MCF2L2: variants seen among roughly 807,000 people sequenced by gnomAD.
MCF2L2 encodes the protein MCF.2 cell line derived transforming sequence-like 2.
A neutral mutation model predicts 150.2 loss-of-function variants in MCF2L2; 102 were observed. The observed-to-expected ratio is 0.68, with a 90% CI of 0.58 to 0.80. MCF2L2 has a LOEUF of 0.80. Among genes scored for constraint, MCF2L2 ranks in the 30% least tolerant of loss-of-function variants. MCF2L2 has a pLI of 0.00. For missense variants in MCF2L2, 1,256 were observed against 1,372.8 expected, an observed-to-expected ratio of 0.91 and a Z score of 1.34; for synonymous variants, 465 against 491.3, an observed-to-expected ratio of 0.95 and a Z score of 0.71.
At chr3:183,199,529 C>T (rs558503215) in intron 25 of MCF2L2, among the ~76,000 whole-genome samples, 5 of 151,976 alleles carry the variant, frequency 3.3e-5, no homozygotes, top group South Asian at 2.1e-4. Context: ...AGAAAAAACC[C>T]GTCCCCAAAT....
intron 27 of MCF2L2, among the ~76,000 whole-genome samples, chr3:183,186,054 C>T (rs531497344): frequency 2.6e-5 from 4 of 152,190 alleles, no homozygotes; most frequent in African/African-American, 9.6e-5. Context: ...AGCTTTACCT[C>T]CCAGCTCAGC....
intron 10 of MCF2L2, among the ~76,000 whole-genome samples, chr3:183,308,252 G>A (rs6794501): frequency 0.064 from 9,689 of 152,092 alleles, 1,000 homozygotes; most frequent in African/African-American, 0.22. Flanking sequence ...TAACCCTCTG[G>A]ATAGGTCAGT....
intron 1 of MCF2L2, among the ~76,000 whole-genome samples, chr3:183,403,368 A>C (rs563668235): frequency 2.3e-3 from 347 of 152,406 alleles, no homozygotes; most frequent in Non-Finnish European, 4.1e-3. Context: ...AATAATGACG[A>C]CTTGTGATAA....
chr3:183,268,733 C>T lies in MCF2L2; in HGVS notation c.1862+8139G>A, dbSNP rs114775451. ...AGACTTCGAGTTAAACGGTCTTACC[C>T]CAATTTGTCAAATTTCTGCGCATGA... On this transcript the variant is annotated intron_variant, in intron 15 of 29. Coordinates refer to ENST00000328913, the MANE Select transcript of MCF2L2 (RefSeq NM_015078.4). 3.8e-3 allele frequency among the ~76,000 whole-genome samples: 576 copies of T among 152,204 alleles called. 4 individuals carry two copies. Among genetic ancestry groups the T allele is most frequent in the African/African-American group, 0.013 (543 of 41,522 alleles).
chr3:183,219,779 T>C, intron 21 of MCF2L2, 77 bp downstream of exon 21: 1 of 932,812 alleles, frequency 1.1e-6, no homozygotes, highest in Non-Finnish European at 1.7e-6. Flanking sequence ...CAAGTAAAAT[T>C]GCTATAAATC....
intron 15 of MCF2L2, among the ~76,000 whole-genome samples, chr3:183,266,757 A>G (rs1235058199): frequency 6.6e-6 from 1 of 151,336 alleles, no homozygotes; most frequent in South Asian, 2.1e-4. Context: ...GAAATTACTG[A>G]TATTGATCTG....
At chr3:183,196,763 A>C (rs1194054216) in intron 25 of MCF2L2, among the ~76,000 whole-genome samples, 1 of 152,178 alleles carries the variant, frequency 6.6e-6, no homozygotes, top group Non-Finnish European at 1.5e-5. Context: ...AGGGGCTGGC[A>C]CAACACCTCT....
chr3:183,416,834 G>A (rs1417276147), intron 1 of MCF2L2, among the ~76,000 whole-genome samples: 1 of 152,128 alleles, frequency 6.6e-6, no homozygotes, highest in Non-Finnish European at 1.5e-5. Flanking sequence ...ATCAGGCTGG[G>A]AGTGGTGGCT....
intron 10 of MCF2L2, among the ~76,000 whole-genome samples, chr3:183,302,833 ACACTT>A (rs1728921762): frequency 6.6e-6 from 1 of 151,982 alleles, no homozygotes; most frequent in Non-Finnish European, 1.5e-5. Context: ...GCCCTCTCCC[ACACTT>A]TAATTCTTTA....
chr3:183,369,328 TCTC>T (rs1182432126), intron 3 of MCF2L2, among the ~76,000 whole-genome samples: 1 of 152,052 alleles, frequency 6.6e-6, no homozygotes, highest in African/African-American at 2.4e-5. Flanking sequence ...CAACACTGCT[TCTC>T]CTTTTTTGCC....
intron 3 of MCF2L2, chr3:183,372,017 C>G: frequency 7.9e-6 from 1 of 126,266 alleles, no homozygotes; most frequent in African/African-American, 4.4e-5. Context: ...GGAGGTATAT[C>G]GTTTTTTTTT....
At chr3:183,401,901 G>C (rs11708332) in intron 1 of MCF2L2, among the ~76,000 whole-genome samples, 39,779 of 152,076 alleles carry the variant, frequency 0.26, 6,051 homozygotes, top group Non-Finnish European at 0.36. Flanking sequence ...TCATGTAAAG[G>C]CCTGTGTGTA....
intron 27 of MCF2L2, among the ~76,000 whole-genome samples, chr3:183,191,733 C>T (rs1296948128): frequency 2.0e-5 from 3 of 152,152 alleles, no homozygotes; most frequent in Admixed American, 6.5e-5. Flanking sequence ...GTTAAATCAA[C>T]TTTCACCTTT....
rs373460988 is a variant in MCF2L2, at chr3:183,231,018, C to G, written c.1863-1G>C. The G allele has an allele frequency of 6.2e-7, 1 of 1,612,382 alleles. No individual in the cohort carries two copies. Among genetic ancestry groups the G allele is most frequent in the African/African-American group, 1.3e-5 (1 of 74,972 alleles). Reference sequence around the variant, plus strand: ...CTCAAGCAAGTCACGTATAATGCGCCTGAATCACAGCAGCAGGTGGGAGGG... The same window carrying G: ...CTCAAGCAAGTCACGTATAATGCGCGTGAATCACAGCAGCAGGTGGGAGGG... On this transcript the variant is annotated splice_acceptor_variant, in intron 15 of 29. Coordinates refer to ENST00000328913, the MANE Select transcript of MCF2L2 (RefSeq NM_015078.4). LOFTEE classifies it high-confidence loss of function.
intron 14 of MCF2L2, among the ~76,000 whole-genome samples, chr3:183,278,336 C>A (rs1256365533): frequency 6.6e-6 from 1 of 150,632 alleles, no homozygotes; most frequent in African/African-American, 2.4e-5. Context: ...GAGTTGTGGT[C>A]AGGCTTTGAA....
In MCF2L2 at chr3:183,288,622, C is replaced by T. The variant is rs186772234; in HGVS notation, c.1776+498G>A. Among the ~76,000 whole-genome samples, 549 of 152,062 alleles carry T rather than the reference C, an allele frequency of 3.6e-3. 6 individuals carry two copies. Among genetic ancestry groups the T allele is most frequent in the African/African-American group, 0.013 (528 of 41,486 alleles). ...TCAGCCTCCTGAGTAGCTGGGATTA[C>T]AGGCATCTGCCACCACGCCCATCTA... On this transcript the variant is annotated intron_variant, in intron 14 of 29. Coordinates refer to ENST00000328913, the MANE Select transcript of MCF2L2 (RefSeq NM_015078.4).
chr3:183,207,734 CAA>C lies in MCF2L2; in HGVS notation c.2584_2585del (p.Leu862AspfsTer4), dbSNP rs769184892. Reference sequence around the variant, plus strand: ...GCCTCTGGCTGGGTTTAAATCGAATCAAATCCTTCATTTTATAACGATCCTTG... The same window carrying C: ...GCCTCTGGCTGGGTTTAAATCGAATCATCCTTCATTTTATAACGATCCTTG... ...IHKDRYKMKD[L>X]IRFKPSQRQI... On this transcript the variant is annotated frameshift_variant, in exon 23 of 30. Coordinates refer to ENST00000328913, the MANE Select transcript of MCF2L2 (RefSeq NM_015078.4). LOFTEE classifies it high-confidence loss of function. 3.7e-6 allele frequency: 6 copies of C among 1,614,088 alleles called. No individual in the cohort carries two copies. In the African/African-American group the frequency reaches 6.7e-5, roughly 18 times the overall value.
Position 183,254,664 on chromosome 3 carries a change from C to T in MCF2L2, c.1862+22208G>A, listed in dbSNP as rs548449759. ...CCAATTCGGTTGCCGGCCGGGGGCC[C>T]CAGGCTTGCGGCCACCCGCCTCCGG... On this transcript the variant is annotated intron_variant, in intron 15 of 29. Coordinates refer to ENST00000328913, the MANE Select transcript of MCF2L2 (RefSeq NM_015078.4). The T allele has an allele frequency of 6.6e-5, 10 of 152,340 alleles. No homozygotes were observed. In the South Asian group the frequency reaches 1.9e-3, roughly 28 times the overall value. The allele number at this position is 152,340 out of a possible 1,614,324, so 9.4% of individuals were successfully genotyped here.
In MCF2L2 at chr3:183,413,358, G is replaced by T. The variant is rs747608152; in HGVS notation, c.76+14544C>A. Among the ~76,000 whole-genome samples, 28 of 152,110 alleles carry T rather than the reference G, an allele frequency of 1.8e-4. 1 individual carries two copies. The highest frequency in any genetic ancestry group is 3.4e-4 in the Non-Finnish European group (23 of 68,004). On this transcript the variant is annotated intron_variant, in intron 1 of 29. Coordinates refer to ENST00000328913, the MANE Select transcript of MCF2L2 (RefSeq NM_015078.4). ...ATTCTTATAATAAAACTAGGGAAAA[G>T]AAAATATTTTAAGAAAATCATAAGA...
Sources: gnomAD v4.1 joint callset for allele counts (sites outside exome capture counted in the v4.1 genomes callset) on GRCh38, gnomAD v4.1.1 for gene constraint, MANE v1.5 for transcripts, NCBI Gene and HGNC (gene_info 2026-07-23, HGNC 2026-07-21) for gene names.